FGF17: variants seen among roughly 807,000 people sequenced by gnomAD.
FGF17 encodes the protein fibroblast growth factor 17.
In FGF17, 5 loss-of-function variants were observed where a neutral mutation model predicts 23.5. The ratio of observed to expected loss-of-function variants is 0.21; its 90% CI spans 0.11 to 0.45. FGF17 has a LOEUF of 0.45. Among genes scored for constraint, FGF17 ranks in the 20% least tolerant of loss-of-function variants. FGF17 has a pLI of 0.99. For missense variants in FGF17, 221 were observed against 306.9 expected, an observed-to-expected ratio of 0.72 and a Z score of 2.09; for synonymous variants, 136 against 123.0, an observed-to-expected ratio of 1.11 and a Z score of -0.70.
chr8:22,044,981 G>A (rs1800831872), intron 2 of FGF17: 3 of 985,718 alleles, frequency 3.0e-6, no homozygotes, highest in Non-Finnish European at 3.6e-6. Flanking sequence ...CCCAGCACAG[G>A]CAGCGGCATC....
Position 22,042,897 on chromosome 8 carries a change from G to C in FGF17, c.-32G>C, listed in dbSNP as rs762207554. ...ACATCTGCTCCTGAGCTTGGGGGCA[G>C]GGGGGCAACCGCCTGAGGAACCTCT... On this transcript the variant is annotated 5_prime_UTR_variant, in exon 1 of 5. Coordinates refer to ENST00000359441, the MANE Select transcript of FGF17 (RefSeq NM_003867.4). 2 of 1,611,990 alleles carry C rather than the reference G, an allele frequency of 1.2e-6. No homozygotes were observed. The highest frequency in any genetic ancestry group is 8.5e-7 in the Non-Finnish European group (1 of 1,179,042).
At position 22,047,869 on chromosome 8, in the gene FGF17, C is replaced by T. The variant is rs1800975616; in HGVS notation, c.358-87C>T. ...GGCCCCGTTGTTCCCGTTGTCCCTC[C>T]TCAGTCGTCCAAAATAGGCCGTAAG... On this transcript the variant is annotated intron_variant, in intron 4 of 4. Transcript: ENST00000359441. 2.9e-6 allele frequency: 4 copies of T among 1,365,820 alleles called. No individual in the cohort carries two copies. In the South Asian group the frequency reaches 4.2e-5, roughly 14 times the overall value. 84.6% of individuals were successfully genotyped at this position (1,365,820 alleles called of 1,614,324 possible). A position where few individuals can be genotyped will look rare whatever the true frequency, so the allele number is the denominator to read the frequency against.
Position 22,048,245 on chromosome 8 carries a change from C to G in FGF17, c.647C>G (p.Thr216Arg), listed in dbSNP as rs1801001745. The G allele has an allele frequency of 1.9e-6, 3 of 1,601,472 alleles. No individual in the cohort carries two copies. The highest frequency in any genetic ancestry group is 2.6e-6 in the Non-Finnish European group (3 of 1,173,928). ...CGCACACGGCGGCCCCAGCCCCTCA[C>G]GTAGTCTGGGAGGCAGGGGGCAGCA... ...TKRTRRPQPL[T>R] The change falls in exon 5 of 5, where the codon ACG becomes AGG. Residue 216 changes from threonine (T) to arginine (R), a missense_variant. By Grantham distance (71) the Thr-to-Arg change is moderately conservative (BLOSUM62 -1). Transcript: ENST00000359441. This position sits in a 1 kb window ranked among gnomAD's most constrained non-coding sequence, Gnocchi z 6.9.
At chr8:22,043,031 C>A in intron 1 of FGF17, 68 bp downstream of exon 1, 1 of 1,603,024 alleles carries the variant, frequency 6.2e-7, no homozygotes, top group Admixed American at 1.7e-5. Context: ...CCTCCTCTTC[C>A]CGGGACTCCC....
chr8:22,041,106 A>G (rs1225708790), upstream of FGF17, among the ~76,000 whole-genome samples: 2 of 152,174 alleles, frequency 1.3e-5, no homozygotes, highest in Non-Finnish European at 2.9e-5. Context: ...TGAATCCCTA[A>G]GACCCCTTCT....
Position 22,046,281 on chromosome 8 carries a change from C to G in FGF17, c.240C>G (p.Gly80=), listed in dbSNP as rs750546521. 1.1e-5 allele frequency: 17 copies of G among 1,613,258 alleles called. No individual in the cohort carries two copies. Among genetic ancestry groups the G allele is most frequent in the South Asian group, 4.4e-5 (4 of 91,038 alleles). ...GRRISATAED[G]NKFAKLIVET... is the part of the protein sequence containing the mutation. ...GCATCTCCGCCACCGCCGAGGACGG[C>G]AACAAGTTTGGTGAGAGTTGGCCCT... The change falls in exon 3 of 5, where the codon GGC becomes GGG. Residue 80 remains glycine (G), a synonymous_variant. Transcript: ENST00000359441.
chr8:22,044,415 G>T (rs1341911844), intron 2 of FGF17, among the ~76,000 whole-genome samples: 1 of 151,810 alleles, frequency 6.6e-6, no homozygotes, highest in Non-Finnish European at 1.5e-5. Flanking sequence ...CGGGGAGAGG[G>T]ACTTGTGGGT....
At chr8:22,040,131 G>A (rs1470524993), upstream of FGF17, among the ~76,000 whole-genome samples, 1 of 151,702 alleles carries the variant, frequency 6.6e-6, no homozygotes, top group Admixed American at 6.6e-5. Context: ...GACAGTTTAG[G>A]TCAACTGAGG....
upstream of FGF17, chr8:22,042,714 C>T (rs2129648598): frequency 1.6e-6 from 1 of 609,546 alleles, no homozygotes; most frequent in Non-Finnish European, 2.9e-6. Context: ...GGAAGGTGGA[C>T]ACCTCATACC....
chr8:22,045,994 T>G lies in FGF17; in HGVS notation c.73-120T>G, dbSNP rs3176294. ...GGCTATGGCCATATGCCCACTTCAC[T>G]CTGCAGGACAAGTGGCCTGTCCCCA... On this transcript the variant is annotated intron_variant, in intron 2 of 4. Transcript: ENST00000359441. 5.0e-4 allele frequency: 790 copies of G among 1,585,088 alleles called. 2 individuals carry two copies. The African/African-American group carries it at 9.7e-3, about 19-fold the overall frequency.
chr8:22,044,780 G>C (rs984740927), intron 2 of FGF17: 15 of 985,408 alleles, frequency 1.5e-5, no homozygotes, highest in Non-Finnish European at 1.8e-5. Flanking sequence ...ACCCCGCGCA[G>C]GTTAAATGTC....
At chr8:22,046,413 G>A (rs1800868356) in intron 3 of FGF17, 114 bp from the exon 4 acceptor site, 1 of 1,426,656 alleles carries the variant, frequency 7.0e-7, no homozygotes, top group Non-Finnish European at 9.7e-7. Context: ...GGGCCTGAGT[G>A]TCCCCAACCC....
chr8:22,043,488 A>G (rs1314826470), intron 2 of FGF17, among the ~76,000 whole-genome samples: 1 of 152,180 alleles, frequency 6.6e-6, no homozygotes, highest in Admixed American at 6.5e-5. Context: ...GGTTGGAAGC[A>G]GGTGGAGGTG....
At chr8:22,045,850 C>T in intron 2 of FGF17, 2 of 1,377,130 alleles carry the variant, frequency 1.5e-6, no homozygotes, top group Non-Finnish European at 1.9e-6. Context: ...TCCCAGAGTC[C>T]TGATTCCAGG....
In FGF17 at chr8:22,042,977, C is replaced by A. The variant is rs1800765725; in HGVS notation, c.35+14C>A. ...CAACCTCACTCTGTAAGTGTGCTAC[C>A]TCTCCCACTGGAGTTTCGTTGCCAT... On this transcript the variant is annotated intron_variant, in intron 1 of 4. Coordinates refer to ENST00000359441, the MANE Select transcript of FGF17 (RefSeq NM_003867.4). 4 of 1,612,426 alleles carry A rather than the reference C, an allele frequency of 2.5e-6. No homozygotes were observed. Among genetic ancestry groups the A allele is most frequent in the Admixed American group, 3.3e-5 (2 of 59,844 alleles).
At chr8:22,044,682 G>A (rs1050133713) in intron 2 of FGF17, 4 of 985,760 alleles carry the variant, frequency 4.1e-6, no homozygotes, top group Non-Finnish European at 4.8e-6. Flanking sequence ...CCAGGGTGGG[G>A]CGAGGGGCAG....
upstream of FGF17, among the ~76,000 whole-genome samples, chr8:22,040,577 C>G (rs919902378): frequency 6.6e-5 from 10 of 152,386 alleles, no homozygotes; most frequent in Admixed American, 6.5e-4. Flanking sequence ...GCATCTGTTA[C>G]CATGGAGACC....
Position 22,048,070 on chromosome 8 carries a change from C to A in FGF17, c.472C>A (p.Arg158=). 1 of 1,612,674 alleles carries A rather than the reference C, an allele frequency of 6.2e-7. No individual in the cohort carries two copies. The highest frequency in any genetic ancestry group is 1.7e-5 in the Admixed American group (1 of 59,988). ...GWFMAFTRQG[R]PRQASRSRQN... Reference sequence around the variant, plus strand: ...GTTCATGGCCTTCACGCGGCAGGGGCGGCCCCGCCAGGCTTCCCGCAGCCG... The same window carrying A: ...GTTCATGGCCTTCACGCGGCAGGGGAGGCCCCGCCAGGCTTCCCGCAGCCG... Residue 158 remains arginine (R), a synonymous_variant, in exon 5 of 5, where the codon CGG becomes AGG. Transcript: ENST00000359441. This position sits in a 1 kb window ranked among gnomAD's most constrained non-coding sequence, Gnocchi z 6.9.
intron 2 of FGF17, among the ~76,000 whole-genome samples, chr8:22,043,627 T>C (rs1248571872): frequency 6.6e-6 from 1 of 152,146 alleles, no homozygotes; most frequent in African/African-American, 2.4e-5. Flanking sequence ...CTCGTGAGCA[T>C]GTCCAGAATG....
Sources: allele counts gnomAD v4.1 joint callset (sites outside exome capture counted in the v4.1 genomes callset), GRCh38; gene constraint gnomAD v4.1.1; non-coding constraint Gnocchi (gnomAD v3.1); transcripts MANE v1.5; gene names NCBI Gene and HGNC (gene_info 2026-07-23, HGNC 2026-07-21).